Variants in CBX5 observed in about 807,000 individuals in gnomAD.
The protein encoded by CBX5 is chromobox 5.
CBX5 carries 7 observed loss-of-function variants against 20.7 expected under a neutral mutation model. That is an observed-to-expected ratio of 0.34 (90% CI 0.19 to 0.63). The LOEUF is 0.63. CBX5 is among the 30% of genes least tolerant of loss of function. CBX5 has a pLI of 0.75. For missense variants in CBX5, 110 were observed against 224.1 expected (o/e 0.49, Z 3.25); for synonymous variants, 78 against 77.0 (o/e 1.01, Z -0.07).
rs1943641429 is a variant in CBX5 at position 54,238,073 on chromosome 12, C to T, written c.*3682G>A. 6.6e-6 allele frequency: 1 copy of T among 152,120 alleles called. No homozygotes were observed. Among genetic ancestry groups the T allele is most frequent in the Admixed American group, 6.6e-5 (1 of 15,252 alleles). 9.4% of individuals were successfully genotyped at this position (152,120 alleles called of 1,614,324 possible). On this transcript the variant is annotated 3_prime_UTR_variant, in exon 5 of 5. Coordinates refer to ENST00000209875, the MANE Select transcript of CBX5 (RefSeq NM_012117.3). ...GGCATGGTGGCACACACCTGTAGTCCCAGCTACTCGAGAGGCTGAGGCAGG... is the reference window on the plus strand; with the variant it reads ...GGCATGGTGGCACACACCTGTAGTCTCAGCTACTCGAGAGGCTGAGGCAGG...
intron 3 of CBX5, among the ~76,000 whole-genome samples, chr12:54,247,155 C>T (rs1242088315): frequency 6.6e-6 from 1 of 152,098 alleles, no homozygotes; most frequent in African/African-American, 2.4e-5. Context: ...AGAGAGAAGG[C>T]CCTGGTCAGT....
Position 54,238,100 on chromosome 12 carries a change from G to GA in CBX5, c.*3654dup, listed in dbSNP as rs1209477099. 4 of 152,228 alleles carry GA rather than the reference G, an allele frequency of 2.6e-5. No homozygotes were observed. Among genetic ancestry groups the GA allele is most frequent in the African/African-American group, 7.2e-5 (3 of 41,440 alleles). 9.4% of individuals were successfully genotyped at this position (152,228 alleles called of 1,614,324 possible). ...AGCTACTCGAGAGGCTGAGGCAGGA[G>GA]AATCGCTTGAACCCAGGAGGTGGAG... On this transcript the variant is annotated 3_prime_UTR_variant, in exon 5 of 5. Coordinates refer to ENST00000209875, the MANE Select transcript of CBX5 (RefSeq NM_012117.3).
chr12:54,268,082 T>C (rs954363814), intron 1 of CBX5, among the ~76,000 whole-genome samples: 7 of 152,132 alleles, frequency 4.6e-5, no homozygotes, highest in African/African-American at 1.7e-4. Context: ...AGACGGAGGT[T>C]ACAGTGAACC....
rs567889490 is a variant in CBX5 at position 54,277,957 on chromosome 12, C to T, written c.-43+2051G>A. Among the ~76,000 whole-genome samples the T allele has an allele frequency of 4.1e-4, 62 of 152,312 alleles. No homozygotes were observed. In the South Asian group the frequency reaches 0.013, roughly 32 times the overall value. ...GACCTCCTGAACTCAAGCCTCCTAC[C>T]TCAGCCTCAGCTTCCAGAGTAGCTG... On this transcript the variant is annotated intron_variant, in intron 1 of 4. Transcript: ENST00000209875.
Position 54,246,186 on chromosome 12 carries a change from C to T in CBX5, c.354G>A (p.Glu118=). The change falls in exon 4 of 5, where the codon GAG becomes GAA. Residue 118 remains glutamate (E), a synonymous_variant. Transcript: ENST00000209875. ...TGATCTTTTCTGGTTCCAGTCCTCT[C>T]TCAAAGCCCCGAGCGATATCATTGC... ...EQSNDIARGF[E]RGLEPEKIIG... is the part of the protein sequence containing the mutation. The T allele has an allele frequency of 6.2e-7, 1 of 1,613,560 alleles. No individual in the cohort carries two copies. The highest frequency in any genetic ancestry group is 8.5e-7 in the Non-Finnish European group (1 of 1,179,530).
Position 54,240,978 on chromosome 12 carries a change from T to C in CBX5, c.*777A>G, listed in dbSNP as rs1423654939. 3.9e-5 allele frequency: 6 copies of C among 152,228 alleles called. No homozygotes were observed. Among genetic ancestry groups the C allele is most frequent in the East Asian group, 1.9e-4 (1 of 5,204 alleles). The allele number at this position is 152,228 out of a possible 1,614,324, so 9.4% of individuals were successfully genotyped here. Reference sequence around the variant, plus strand: ...CCTACCCCATCATCCTCATGTACTATAGCTACAAATCTGCACAGTTAATAA... The same window carrying C: ...CCTACCCCATCATCCTCATGTACTACAGCTACAAATCTGCACAGTTAATAA... On this transcript the variant is annotated 3_prime_UTR_variant, in exon 5 of 5. Transcript: ENST00000209875.
rs1447407893 is a variant in CBX5, at chr12:54,238,971, T to C, written c.*2784A>G. On this transcript the variant is annotated 3_prime_UTR_variant, in exon 5 of 5. Coordinates refer to ENST00000209875, the MANE Select transcript of CBX5 (RefSeq NM_012117.3). ...AAGCTCCATGAAACAGGTTTCTGTT[T>C]GAGGCTGTAATTCTTCTAGGGCAAG... 6.6e-6 allele frequency: 1 copy of C among 152,264 alleles called. No individual in the cohort carries two copies. Among genetic ancestry groups the C allele is most frequent in the African/African-American group, 2.4e-5 (1 of 41,472 alleles). 9.4% of individuals were successfully genotyped at this position (152,264 alleles called of 1,614,324 possible). A position where few individuals can be genotyped will look rare whatever the true frequency, so the allele number is the denominator to read the frequency against.
chr12:54,252,261 AGGGGGGGGTAAAGAATGAGG>A, intron 2 of CBX5, 34 bp from the exon 3 acceptor site: 2 of 1,380,040 alleles, frequency 1.4e-6, no homozygotes, highest in Non-Finnish European at 2.0e-6. Context: ...TAAAAAAAAA[AGGGGGGGGTAAAGAATGAGG>A]AAAAAAATCC....
intron 1 of CBX5, chr12:54,262,984 T>C (rs1213873688): frequency 1.3e-5 from 2 of 152,280 alleles, no homozygotes; most frequent in Non-Finnish European, 2.9e-5. Flanking sequence ...ATAACAGCTC[T>C]CAGCCTTCTC....
chr12:54,267,772 G>A (rs1004796723), intron 1 of CBX5, among the ~76,000 whole-genome samples: 20 of 152,222 alleles, frequency 1.3e-4, no homozygotes, highest in East Asian at 5.8e-4. Context: ...CACTCACCCC[G>A]GCCTCCCAAA....
At chr12:54,275,481 T>C (rs1944054933) in intron 1 of CBX5, among the ~76,000 whole-genome samples, 1 of 151,998 alleles carries the variant, frequency 6.6e-6, no homozygotes, top group Non-Finnish European at 1.5e-5. Flanking sequence ...GAACTCATGA[T>C]CTGCCCGCCT....
At chr12:54,278,697 C>G (rs954648983) in intron 1 of CBX5, 1 of 152,188 alleles carries the variant, frequency 6.6e-6, no homozygotes, top group Non-Finnish European at 1.5e-5. Context: ...AGATAGACTG[C>G]ATGTAAAACA....
intron 1 of CBX5, among the ~76,000 whole-genome samples, chr12:54,259,050 A>G (rs1592160392): frequency 1.3e-5 from 2 of 152,214 alleles, no homozygotes; most frequent in Non-Finnish European, 2.9e-5. Flanking sequence ...TTACTGCCCT[A>G]TAAGACTAAG....
intron 1 of CBX5, among the ~76,000 whole-genome samples, chr12:54,277,694 T>C (rs1264668649): frequency 1.3e-5 from 2 of 152,204 alleles, no homozygotes; most frequent in Non-Finnish European, 1.5e-5. Context: ...AATGATCAAT[T>C]CTGTATCTAA....
At chr12:54,263,558 C>A (rs1943930034) in intron 1 of CBX5, among the ~76,000 whole-genome samples, 1 of 151,718 alleles carries the variant, frequency 6.6e-6, no homozygotes, top group Admixed American at 6.6e-5. Context: ...CATGGTGAAA[C>A]CCCGTCTCTA....
intron 1 of CBX5, chr12:54,274,319 C>T (rs1486052360): frequency 6.6e-6 from 1 of 152,092 alleles, no homozygotes; most frequent in Non-Finnish European, 1.5e-5. Flanking sequence ...CCTATTAGTA[C>T]AATGATCAGT....
In CBX5 at chr12:54,277,407, G is replaced by C. The variant is rs190531639; in HGVS notation, c.-43+2601C>G. On this transcript the variant is annotated intron_variant, in intron 1 of 4. Transcript: ENST00000209875. Reference sequence around the variant, plus strand: ...TTTAGTAGAGACGGGGTTTCACGATGTTGGCCAGGCCGGTCTCAAACTCCT... The same window carrying C: ...TTTAGTAGAGACGGGGTTTCACGATCTTGGCCAGGCCGGTCTCAAACTCCT... Among the ~76,000 whole-genome samples, 531 of 152,294 alleles carry C rather than the reference G, an allele frequency of 3.5e-3. 1 individual carries two copies. The highest frequency in any genetic ancestry group is 6.8e-3 in the Middle Eastern group (2 of 294).
chr12:54,275,990 CAAA>C (rs55963261), intron 1 of CBX5, among the ~76,000 whole-genome samples: 10 of 90,684 alleles, frequency 1.1e-4, no homozygotes, highest in Non-Finnish European at 1.1e-4. Context: ...GACTCCATTC[CAAA>C]AAAAAAAAAA....
At chr12:54,270,985 G>A (rs889641262) in intron 1 of CBX5, among the ~76,000 whole-genome samples, 1 of 152,232 alleles carries the variant, frequency 6.6e-6, no homozygotes, top group Non-Finnish European at 1.5e-5. Flanking sequence ...TTGAGCCCAG[G>A]AGTTTCAGGC....
Sources: allele counts gnomAD v4.1 joint callset (sites outside exome capture counted in the v4.1 genomes callset), GRCh38; gene constraint gnomAD v4.1.1; transcripts MANE v1.5; gene names NCBI Gene and HGNC (gene_info 2026-07-23, HGNC 2026-07-21).